ADGRV1: variants seen among roughly 807,000 people sequenced by gnomAD.
ADGRV1 encodes the protein G-protein coupled receptor 98.
Under a neutral mutation model 596.2 loss-of-function variants are expected in ADGRV1, and 359 were observed. That is an observed-to-expected ratio of 0.60 (90% CI 0.55 to 0.66). ADGRV1 has a LOEUF of 0.66. Ranked by LOEUF, ADGRV1 falls within the 30% of genes least tolerant of loss-of-function variation. The pLI is 0.00. For missense variants in ADGRV1, 7,274 were observed against 7,575.6 expected, an observed-to-expected ratio of 0.96 and a Z score of 1.48; for synonymous variants, 2,681 against 2,679.2, an observed-to-expected ratio of 1.00 and a Z score of -0.02.
At chr5:90,770,227 A>G (rs1409633378) in intron 59 of ADGRV1, among the ~76,000 whole-genome samples, 1 of 152,220 alleles carries the variant, frequency 6.6e-6, no homozygotes, top group Non-Finnish European at 1.5e-5. Context: ...GAGCGTGTGT[A>G]GGGGAATGGT....
At chr5:90,720,876 T>C in intron 44 of ADGRV1, 59 bp from the exon 45 acceptor site, 1 of 1,431,058 alleles carries the variant, frequency 7.0e-7, no homozygotes. Flanking sequence ...ATGATATATA[T>C]TTCAAATATG....
chr5:90,605,112 A>C (rs1417064937), intron 1 of ADGRV1, among the ~76,000 whole-genome samples: 1 of 152,210 alleles, frequency 6.6e-6, no homozygotes, highest in Non-Finnish European at 1.5e-5. Context: ...TATTCTAGAA[A>C]GAAGATAGAA....
chr5:90,748,985 T>G (rs1028038914), intron 52 of ADGRV1, among the ~76,000 whole-genome samples: 5 of 152,264 alleles, frequency 3.3e-5, no homozygotes, highest in Middle Eastern at 3.4e-3. Context: ...TCTCAAGGCC[T>G]TATACAACTC....
rs116367377 is a variant in ADGRV1 at position 91,119,712 on chromosome 5, A to G, written c.18432+17372A>G. 2.9e-3 allele frequency among the ~76,000 whole-genome samples: 446 copies of G among 152,338 alleles called. 3 individuals are homozygous for G. Among genetic ancestry groups the G allele is most frequent in the African/African-American group, 0.01 (426 of 41,574 alleles). ...AACTTTAGGGCAAACATTAAGAAATAAAAAACCACACACATCCACTTCTCC... is the reference window on the plus strand; with the variant it reads ...AACTTTAGGGCAAACATTAAGAAATGAAAAACCACACACATCCACTTCTCC... On this transcript the variant is annotated intron_variant, in intron 87 of 89. Transcript: ENST00000405460.
chr5:90,750,211 T>C (rs750316392), intron 52 of ADGRV1, among the ~76,000 whole-genome samples: 11 of 152,226 alleles, frequency 7.2e-5, no homozygotes, highest in South Asian at 2.1e-4. Flanking sequence ...ACAAACTTTT[T>C]ACATGCTATG....
chr5:90,948,745 C>T (rs1776814659), intron 83 of ADGRV1, among the ~76,000 whole-genome samples: 1 of 152,098 alleles, frequency 6.6e-6, no homozygotes, highest in Non-Finnish European at 1.5e-5. Context: ...TCATCTAACG[C>T]AAAGTCTATT....
intron 84 of ADGRV1, among the ~76,000 whole-genome samples, chr5:90,974,412 A>G (rs1779359170): frequency 6.6e-6 from 1 of 152,252 alleles, no homozygotes; most frequent in Non-Finnish European, 1.5e-5. Flanking sequence ...AGCCAAAAGA[A>G]CAAAGCTAGA....
chr5:90,867,146 G>T (rs1376481068), intron 83 of ADGRV1, among the ~76,000 whole-genome samples: 1 of 152,106 alleles, frequency 6.6e-6, no homozygotes, highest in Non-Finnish European at 1.5e-5. Flanking sequence ...CTCAGTTCTG[G>T]AGGTTCTGTC....
intron 89 of ADGRV1, 150 bp downstream of exon 89, chr5:91,153,548 G>C: frequency 2.1e-6 from 1 of 469,326 alleles, no homozygotes; most frequent in Non-Finnish European, 3.6e-6. Context: ...GAAAACTCTA[G>C]GATATTTTGT....
chr5:90,914,490 A>G (rs1038512834), intron 83 of ADGRV1, among the ~76,000 whole-genome samples: 8 of 152,294 alleles, frequency 5.3e-5, no homozygotes, highest in Middle Eastern at 3.4e-3. Flanking sequence ...AGATCACACA[A>G]CTATTAAGTG....
chr5:90,587,740 G>A (rs1042773219), intron 1 of ADGRV1, among the ~76,000 whole-genome samples: 2 of 151,796 alleles, frequency 1.3e-5, no homozygotes, highest in Admixed American at 6.6e-5. Context: ...TGTATTTTTA[G>A]TAGAGATGAG....
intron 50 of ADGRV1, among the ~76,000 whole-genome samples, chr5:90,735,873 T>G (rs1176877966): frequency 1.3e-5 from 2 of 152,256 alleles, no homozygotes; most frequent in South Asian, 4.1e-4. Flanking sequence ...GAGTTTGTTT[T>G]AATGCAAACT....
intron 28 of ADGRV1, among the ~76,000 whole-genome samples, chr5:90,685,251 T>G (rs1275748460): frequency 6.6e-6 from 1 of 152,184 alleles, no homozygotes; most frequent in Non-Finnish European, 1.5e-5. Flanking sequence ...TTAATGCTGG[T>G]GCATATTAAA....
intron 83 of ADGRV1, among the ~76,000 whole-genome samples, chr5:90,958,935 T>C (rs990474554): frequency 1.3e-5 from 2 of 152,202 alleles, no homozygotes; most frequent in African/African-American, 4.8e-5. Flanking sequence ...AAAACAAAGA[T>C]GTTCATTTTT....
chr5:90,892,115 A>G (rs189588306), intron 83 of ADGRV1, among the ~76,000 whole-genome samples: 57 of 152,208 alleles, frequency 3.7e-4, no homozygotes, highest in Admixed American at 2.1e-3. Flanking sequence ...CTAAAAAATC[A>G]TTAGTGTAGA....
At chr5:90,869,500 A>T (rs537023852) in intron 83 of ADGRV1, among the ~76,000 whole-genome samples, 1 of 152,184 alleles carries the variant, frequency 6.6e-6, no homozygotes, top group Non-Finnish European at 1.5e-5. Flanking sequence ...GGACTAAAGA[A>T]GGTAAGAGAC....
At chr5:90,741,971 A>G (rs1307725171) in intron 50 of ADGRV1, among the ~76,000 whole-genome samples, 2 of 152,210 alleles carry the variant, frequency 1.3e-5, no homozygotes, top group East Asian at 1.9e-4. Flanking sequence ...AATTCTTTAA[A>G]TGGAAGAAGA....
chr5:90,681,927 C>T (rs1274799243), intron 27 of ADGRV1, among the ~76,000 whole-genome samples: 1 of 150,774 alleles, frequency 6.6e-6, no homozygotes, highest in East Asian at 2.0e-4. Flanking sequence ...AGTGCAATGG[C>T]GTGATCTCAG....
chr5:90,841,217 A>G (rs566612682), intron 78 of ADGRV1, among the ~76,000 whole-genome samples: 1 of 152,142 alleles, frequency 6.6e-6, no homozygotes, highest in Non-Finnish European at 1.5e-5. Context: ...GACCTAGTGC[A>G]GTAGTAAAGA....
Sources: gnomAD v4.1 joint callset for allele counts (sites outside exome capture counted in the v4.1 genomes callset) on GRCh38, gnomAD v4.1.1 for gene constraint, MANE v1.5 for transcripts, NCBI Gene and HGNC (gene_info 2026-07-23, HGNC 2026-07-21) for gene names.